ZW10: variants seen among roughly 807,000 people sequenced by gnomAD.
ZW10 encodes the protein zw10 kinetochore protein.
A neutral mutation model predicts 87.8 loss-of-function variants in ZW10; 53 were observed. That is an observed-to-expected ratio of 0.60 (90% CI 0.48 to 0.76). The LOEUF (loss-of-function observed/expected upper bound fraction) is 0.76, where lower values mean the gene tolerates loss of function less well. Among genes scored for constraint, ZW10 ranks in the 30% least tolerant of loss-of-function variants. The probability of loss-of-function intolerance (pLI) is 0.00; values close to 1 mark genes in which losing one functional copy is unlikely to be tolerated. For missense variants in ZW10, 837 were observed against 923.0 expected, an observed-to-expected ratio of 0.91 and a Z score of 1.21; for synonymous variants, 312 against 329.2, an observed-to-expected ratio of 0.95 and a Z score of 0.57.
chr11:113,746,521 A>AAAAAAT (rs1953678970), intron 9 of ZW10, among the ~76,000 whole-genome samples: 1 of 151,110 alleles, frequency 6.6e-6, no homozygotes, highest in African/African-American at 2.4e-5. Context: ...AAAAACAACA[A>AAAAAAT]CAAAACTCTA....
At chr11:113,737,838 T>C (rs149815466) in intron 13 of ZW10, 135 bp from the exon 14 acceptor site, 2 of 1,002,338 alleles carry the variant, frequency 2.0e-6, no homozygotes, top group Admixed American at 2.4e-5. Context: ...TAAGGACATA[T>C]GCTTCTTGAA....
intron 7 of ZW10, among the ~76,000 whole-genome samples, chr11:113,748,657 TA>T (rs2134877430): frequency 6.6e-6 from 1 of 152,320 alleles, no homozygotes; most frequent in South Asian, 2.1e-4. Context: ...AACAATGAGG[TA>T]TTAAGCCATC....
intron 2 of ZW10, 123 bp from the exon 3 acceptor site, chr11:113,761,041 T>C (rs1352056996): frequency 1.4e-6 from 1 of 728,550 alleles, no homozygotes; most frequent in African/African-American, 1.8e-5. Context: ...AAATGCTAGT[T>C]AAGACTGGAA....
intron 13 of ZW10, 25 bp from the exon 14 acceptor site, chr11:113,737,728 G>A (rs2279996): frequency 0.092 from 144,294 of 1,564,708 alleles, 7,143 homozygotes; most frequent in Middle Eastern, 0.15. Flanking sequence ...AGCTATTTAC[G>A]TGGAAGAAAG....
chr11:113,747,565 T>C lies in ZW10; in HGVS notation c.1238A>G (p.Asn413Ser), dbSNP rs1490494306. The change falls in exon 9 of 16, where the codon AAT becomes AGT. Residue 413 changes from asparagine to serine, a missense_variant. Transcript: ENST00000200135. ...GTTATGAATTTCTGAGGTCATTAGA[T>C]TTCTGGCTGCCACAATCACATCCTG... ...KCQDVIVAAR[N>S]LMTSEIHNTV... is the part of the protein sequence containing the mutation. 5 of 1,613,606 alleles carry C rather than the reference T, an allele frequency of 3.1e-6. No individual in the cohort carries two copies. In the Middle Eastern group the frequency reaches 5.0e-4, roughly 160 times the overall value.
intron 7 of ZW10, among the ~76,000 whole-genome samples, chr11:113,755,305 A>G (rs561727067): frequency 3.3e-5 from 5 of 152,250 alleles, no homozygotes; most frequent in African/African-American, 1.2e-4. Context: ...CAAAATTAAC[A>G]GGAGTTTGGA....
At chr11:113,744,466 C>A (rs1330822315) in intron 9 of ZW10, among the ~76,000 whole-genome samples, 1 of 152,158 alleles carries the variant, frequency 6.6e-6, no homozygotes, top group Non-Finnish European at 1.5e-5. Context: ...GATACAGCTA[C>A]GGCTCTACAG....
At position 113,738,357 on chromosome 11, in the gene ZW10, T is replaced by C. The variant is rs77970040; in HGVS notation, c.1791A>G (p.Lys597=). 1.7e-4 allele frequency: 276 copies of C among 1,613,622 alleles called. No individual in the cohort carries two copies. In the East Asian group the frequency reaches 5.7e-3, roughly 33 times the overall value. ...TTGATAATCTTTCCAGAAGTTCACC[T>C]TTCTGTGCCCGCATTTGGGCCAAAA... ...ECFLAQMRAQ[K]GELLERLSSA... The change falls in exon 13 of 16, where the codon AAA becomes AAG. Residue 597 remains lysine, a synonymous_variant. Transcript: ENST00000200135.
intron 7 of ZW10, among the ~76,000 whole-genome samples, chr11:113,755,550 CATTGTTTATATGACAACAAAGG>C (rs1369763683): frequency 2.6e-5 from 4 of 152,174 alleles, no homozygotes; most frequent in Non-Finnish European, 5.9e-5. Flanking sequence ...ATGCTGTGAA[CATTGTTTATATGACAACAAAGG>C]ATTTAGAACA....
intron 2 of ZW10, among the ~76,000 whole-genome samples, chr11:113,765,674 T>C (rs1384084240): frequency 6.6e-6 from 1 of 152,226 alleles, no homozygotes; most frequent in African/African-American, 2.4e-5. Flanking sequence ...AGATCCTGCA[T>C]TTCTAATAAG....
intron 2 of ZW10, among the ~76,000 whole-genome samples, chr11:113,766,099 G>A (rs1007086447): frequency 2.6e-5 from 4 of 152,138 alleles, no homozygotes; most frequent in Non-Finnish European, 4.4e-5. Context: ...TTCCAGGCAC[G>A]GTGACTCAAG....
rs112055337 is a variant in ZW10 at position 113,746,628 on chromosome 11, G to T, written c.1272+903C>A. Among the ~76,000 whole-genome samples the T allele has an allele frequency of 7.1e-3, 1,073 of 152,180 alleles. 9 individuals carry two copies. The highest frequency in any genetic ancestry group is 0.024 in the African/African-American group (999 of 41,506). On this transcript the variant is annotated intron_variant, in intron 9 of 15. Coordinates refer to ENST00000200135, the MANE Select transcript of ZW10 (RefSeq NM_004724.4). ...TAAAAAGAAAAATACACCAAGGAAG[G>T]GGTACAGGAAATAGGGGAGGTTATA...
intron 2 of ZW10, among the ~76,000 whole-genome samples, chr11:113,762,749 C>A (rs1334139262): frequency 1.3e-5 from 2 of 152,100 alleles, no homozygotes; most frequent in Non-Finnish European, 1.5e-5. Context: ...AACTCCTGAC[C>A]TCAAGTGATC....
intron 3 of ZW10, 52 bp downstream of exon 3, chr11:113,760,765 A>C: frequency 6.6e-7 from 1 of 1,517,748 alleles, no homozygotes. Context: ...GCCATTGACT[A>C]ATGAGACCTT....
chr11:113,767,874 A>AT (rs1247362302), intron 2 of ZW10, among the ~76,000 whole-genome samples: 7 of 152,198 alleles, frequency 4.6e-5, no homozygotes, highest in African/African-American at 1.7e-4. Flanking sequence ...TATTACCTCC[A>AT]TGCCTCTGCC....
At chr11:113,760,090 A>G in intron 5 of ZW10, 119 bp downstream of exon 5, 5 of 1,253,602 alleles carry the variant, frequency 4.0e-6, no homozygotes, top group Non-Finnish European at 5.4e-6. Flanking sequence ...AGTGCTCAAT[A>G]CAGACATGGA....
intron 15 of ZW10, among the ~76,000 whole-genome samples, chr11:113,735,555 C>A (rs1293088416): frequency 1.3e-5 from 2 of 151,642 alleles, no homozygotes; most frequent in Admixed American, 6.6e-5. Flanking sequence ...TGTAGTAAAC[C>A]AAGCTAAAGC....
At chr11:113,766,227 T>C (rs1226089807) in intron 2 of ZW10, among the ~76,000 whole-genome samples, 1 of 151,826 alleles carries the variant, frequency 6.6e-6, no homozygotes, top group Non-Finnish European at 1.5e-5. Flanking sequence ...TAGCTGGGCA[T>C]GATGGCTTAT....
At chr11:113,761,445 A>C (rs1399852950) in intron 2 of ZW10, among the ~76,000 whole-genome samples, 3 of 151,900 alleles carry the variant, frequency 2.0e-5, no homozygotes, top group Non-Finnish European at 4.4e-5. Context: ...ACACCTGTCT[A>C]ATTTTTGTAT....
Sources: allele counts gnomAD v4.1 joint callset (sites outside exome capture counted in the v4.1 genomes callset), GRCh38; gene constraint gnomAD v4.1.1; transcripts MANE v1.5; gene names NCBI Gene and HGNC (gene_info 2026-07-23, HGNC 2026-07-21).